The following ACTN4 variants were observed in gnomAD, a reference collection of about 807,000 sequenced individuals.
ACTN4 encodes alpha-actinin-4.
A neutral mutation model predicts 114.2 loss-of-function variants in ACTN4; 18 were observed. That is an observed-to-expected ratio of 0.16 (90% CI 0.11 to 0.23). The LOEUF is 0.23. Among genes scored for constraint, ACTN4 ranks in the 10% least tolerant of loss-of-function variants. The pLI, the probability that ACTN4 is intolerant of heterozygous loss-of-function variation, is 1.00. For synonymous variants in ACTN4, 515 were observed against 506.3 expected (o/e 1.02, Z -0.23); for missense variants, 722 against 1,262.9 (o/e 0.57, Z 6.49).
At chr19:38,651,558 G>T (rs1309100741) in intron 1 of ACTN4, among the ~76,000 whole-genome samples, 1 of 152,080 alleles carries the variant, frequency 6.6e-6, no homozygotes, top group East Asian at 1.9e-4. Context: ...TGACTCACTT[G>T]CTAAGTTTTC....
rs1599872947 is a variant in ACTN4 at position 38,730,430 on chromosome 19, C to T, written c.*998C>T. On this transcript the variant is annotated 3_prime_UTR_variant, in exon 21 of 21. Transcript: ENST00000252699. ...TGGTTGATGGTTTTGCTCCCCCTAC[C>T]TTTTTTTTTTGAGTTTATTCTGATT... 1.1e-5 allele frequency: 2 copies of T among 175,920 alleles called. No homozygotes were observed. Among genetic ancestry groups the T allele is most frequent in the African/African-American group, 2.5e-5 (1 of 40,594 alleles). The allele number at this position is 175,920 out of a possible 1,614,324, so 10.9% of individuals were successfully genotyped here.
intron 1 of ACTN4, among the ~76,000 whole-genome samples, chr19:38,666,219 CCT>C (rs1966953883): frequency 7.7e-6 from 1 of 130,226 alleles, no homozygotes. Flanking sequence ...CAACTTCGCC[CCT>C]GTCCCCCCCA....
intron 6 of ACTN4, 58 bp from the exon 7 acceptor site, chr19:38,709,337 C>T (rs1038119591): frequency 1.5e-6 from 2 of 1,357,886 alleles, no homozygotes; most frequent in East Asian, 2.3e-5. Flanking sequence ...CTGCCTCCCT[C>T]CTGCTCCTGC....
intron 1 of ACTN4, among the ~76,000 whole-genome samples, chr19:38,695,611 C>A (rs529991229): frequency 6.6e-6 from 1 of 152,110 alleles, no homozygotes; most frequent in Non-Finnish European, 1.5e-5. Flanking sequence ...ACAGCATGAC[C>A]GTTTAATGGC....
At chr19:38,670,933 A>C (rs1416397642) in intron 1 of ACTN4, among the ~76,000 whole-genome samples, 13 of 147,722 alleles carry the variant, frequency 8.8e-5, no homozygotes, top group Non-Finnish European at 1.3e-4. Context: ...AAAAAAAAAA[A>C]AAAAACCTGC....
At chr19:38,707,227 A>G (rs1568726317) in intron 5 of ACTN4, among the ~76,000 whole-genome samples, 1 of 150,894 alleles carries the variant, frequency 6.6e-6, no homozygotes, top group East Asian at 1.9e-4. Context: ...ATCTTTCTAT[A>G]GTTTCCATTC....
In ACTN4 at chr19:38,659,941, T is replaced by G. The variant is rs1457292396; in HGVS notation, c.162+12034T>G. On this transcript the variant is annotated intron_variant, in intron 1 of 20. Coordinates refer to ENST00000252699, the MANE Select transcript of ACTN4 (RefSeq NM_004924.6). Reference sequence around the variant, plus strand: ...ATGATCTTTTTTTTTTTTTTTTGAGTTGGAGTCTTGCTCTGTTGCCCAGGC... The same window carrying G: ...ATGATCTTTTTTTTTTTTTTTTGAGGTGGAGTCTTGCTCTGTTGCCCAGGC... Among the ~76,000 whole-genome samples the G allele has an allele frequency of 6.6e-5, 9 of 135,346 alleles. No homozygotes were observed. The South Asian group carries it at 2.2e-3, about 32-fold the overall frequency. 88.8% of individuals were successfully genotyped at this position (135,346 alleles called of 152,430 possible).
At chr19:38,710,144 C>A in intron 7 of ACTN4, 113 bp from the exon 8 acceptor site, 1 of 1,095,854 alleles carries the variant, frequency 9.1e-7, no homozygotes, top group Non-Finnish European at 1.4e-6. Flanking sequence ...ACGCGTCACT[C>A]TGCAGGTCCC....
At chr19:38,720,475 A>G (rs1459381722) in intron 11 of ACTN4, among the ~76,000 whole-genome samples, 1 of 152,230 alleles carries the variant, frequency 6.6e-6, no homozygotes, top group Admixed American at 6.5e-5. Flanking sequence ...CTCCTGCCCC[A>G]GGGCTGCGCA....
intron 9 of ACTN4, among the ~76,000 whole-genome samples, chr19:38,716,402 C>T (rs1968841673): frequency 6.6e-6 from 1 of 152,212 alleles, no homozygotes; most frequent in Non-Finnish European, 1.5e-5. Flanking sequence ...CTTAGTGAGC[C>T]CAGAAGCAGT....
intron 1 of ACTN4, among the ~76,000 whole-genome samples, chr19:38,660,955 T>C (rs1260866685): frequency 2.0e-5 from 3 of 152,042 alleles, no homozygotes; most frequent in African/African-American, 7.3e-5. Flanking sequence ...AGAGGTGGCA[T>C]TTCAGCTGTT....
Position 38,701,006 on chromosome 19 carries a change from G to C in ACTN4, c.282G>C (p.Glu94Asp). The change falls in exon 3 of 21, where the codon GAG becomes GAC. Residue 94 changes from glutamate to aspartate, a missense_variant. By Grantham distance (45) the Glu-to-Asp change is conservative (BLOSUM62 2). This residue lies in a region of ACTN4 where 127 missense variants were observed against 311.3 expected (regional missense o/e 0.41). Transcript: ENST00000252699. ...TTCTCTTTGTGCACTTCTCAGGGGA[G>C]CGGTTACCTAAGCCGGAGCGGGGGA... ...LMLLLEVISGERLPKPERGKM... is the reference protein window; with the variant it reads ...LMLLLEVISGDRLPKPERGKM... 1 of 1,613,952 alleles carries C rather than the reference G, an allele frequency of 6.2e-7. No individual in the cohort carries two copies. Among genetic ancestry groups the C allele is most frequent in the Non-Finnish European group, 8.5e-7 (1 of 1,180,042 alleles).
chr19:38,703,908 G>T (rs777171575), intron 3 of ACTN4, among the ~76,000 whole-genome samples: 19 of 152,138 alleles, frequency 1.2e-4, no homozygotes, highest in Non-Finnish European at 1.6e-4. Context: ...GGCTAGGGGC[G>T]TGCTTTGTGA....
At chr19:38,671,845 T>C (rs1173774794) in intron 1 of ACTN4, among the ~76,000 whole-genome samples, 16 of 152,246 alleles carry the variant, frequency 1.1e-4, no homozygotes, top group Admixed American at 1.0e-3. Flanking sequence ...TTTTTTAGGC[T>C]CTGTTACCTC....
At chr19:38,651,417 A>G (rs1192366266) in intron 1 of ACTN4, among the ~76,000 whole-genome samples, 1 of 152,214 alleles carries the variant, frequency 6.6e-6, no homozygotes, top group Non-Finnish European at 1.5e-5. Flanking sequence ...TTCTTGAGCA[A>G]TTACAGTTCT....
chr19:38,710,181 G>T, intron 7 of ACTN4, 76 bp from the exon 8 acceptor site: 1 of 1,506,866 alleles, frequency 6.6e-7, no homozygotes, highest in Non-Finnish European at 9.2e-7. Context: ...GGCCTTGGGA[G>T]CCCGTGGATC....
At chr19:38,660,100 T>G (rs1000816177) in intron 1 of ACTN4, among the ~76,000 whole-genome samples, 1 of 152,106 alleles carries the variant, frequency 6.6e-6, no homozygotes, top group Non-Finnish European at 1.5e-5. Context: ...TTTTGTATTT[T>G]TAGTAGAGAC....
rs1467248823 is a variant in ACTN4 at position 38,710,198 on chromosome 19, A to G, written c.734-59A>G. The G allele has an allele frequency of 3.2e-6, 5 of 1,578,972 alleles. No individual in the cohort carries two copies. In the African/African-American group the frequency reaches 5.4e-5, roughly 17 times the overall value. ...CCTTGGGAGCCCGTGGATCCCAGTG[A>G]GTGACGCCTCCACCCCCCGCCCTAC... On this transcript the variant is annotated intron_variant, in intron 7 of 20. Transcript: ENST00000252699.
chr19:38,664,291 T>A (rs1207971211), intron 1 of ACTN4, among the ~76,000 whole-genome samples: 1 of 152,184 alleles, frequency 6.6e-6, no homozygotes, highest in Non-Finnish European at 1.5e-5. Context: ...TGTGTTTTTT[T>A]TTTTAAACTC....
Sources: gnomAD v4.1 joint callset for allele counts (sites outside exome capture counted in the v4.1 genomes callset) on GRCh38, gnomAD v4.1.1 for gene constraint, gnomAD v4.1.1 regional missense constraint, MANE v1.5 for transcripts, NCBI Gene and HGNC (gene_info 2026-07-23, HGNC 2026-07-21) for gene names.